Variants in MAST4 observed in about 807,000 individuals in gnomAD.
MAST4 encodes the protein microtubule associated serine/threonine kinase family member 4.
In MAST4, 89 loss-of-function variants were observed where a neutral mutation model predicts 162.7. That is an observed-to-expected ratio of 0.55 (90% confidence interval 0.46 to 0.65). The LOEUF (loss-of-function observed/expected upper bound fraction) is 0.65. MAST4 is among the 30% of genes least tolerant of loss of function. The pLI is 0.00. For synonymous variants in MAST4, 1,479 were observed against 1,361.1 expected, an observed-to-expected ratio of 1.09 and a Z score of -1.91; for missense variants, 3,153 against 3,374.0, an observed-to-expected ratio of 0.93 and a Z score of 1.62.
chr5:67,132,973 A>G (rs1769176128), intron 16 of MAST4, among the ~76,000 whole-genome samples: 1 of 152,116 alleles, frequency 6.6e-6, no homozygotes, highest in Non-Finnish European at 1.5e-5. Context: ...TTATTTTCCC[A>G]CTTAAAATGA....
chr5:67,163,076 C>A lies in MAST4; in HGVS notation c.3968-71C>A. 6.7e-7 allele frequency: 1 copy of A among 1,488,668 alleles called. No individual in the cohort carries two copies. The allele number at this position is 1,488,668 out of a possible 1,614,324, so 92.2% of individuals were successfully genotyped here. A position where few individuals can be genotyped will look rare whatever the true frequency, so the allele number is the denominator to read the frequency against. On this transcript the variant is annotated intron_variant, in intron 28 of 28. Transcript: ENST00000403625. The surrounding 1 kb of genome is among the most constrained non-coding windows in gnomAD (Gnocchi z 7.0). Reference sequence around the variant, plus strand: ...CTTACCTGGCCTTACCTAATACAGTCTGGGCTACAACTGTGAAAAAAAGGG... The same window carrying A: ...CTTACCTGGCCTTACCTAATACAGTATGGGCTACAACTGTGAAAAAAAGGG...
chr5:66,755,832 A>G (rs1227002756), intron 1 of MAST4, among the ~76,000 whole-genome samples: 1 of 152,184 alleles, frequency 6.6e-6, no homozygotes, highest in African/African-American at 2.4e-5. Flanking sequence ...TTGCTATTAA[A>G]TGTTAACTAT....
intron 4 of MAST4, among the ~76,000 whole-genome samples, chr5:67,044,977 T>C (rs1757192499): frequency 6.6e-6 from 1 of 152,226 alleles, no homozygotes; most frequent in South Asian, 2.1e-4. Context: ...GCTCTTTGTG[T>C]TTTCTTAGCT....
At chr5:66,750,266 C>A (rs1753051459) in intron 1 of MAST4, among the ~76,000 whole-genome samples, 2 of 152,136 alleles carry the variant, frequency 1.3e-5, no homozygotes, top group South Asian at 4.1e-4. Context: ...CTGGATGAGT[C>A]TTTAAAATGC....
intron 2 of MAST4, among the ~76,000 whole-genome samples, chr5:66,779,887 T>C (rs764740537): frequency 2.0e-5 from 3 of 152,190 alleles, no homozygotes; most frequent in Non-Finnish European, 4.4e-5. Flanking sequence ...TCATTTCCCC[T>C]AACTTATAAA....
chr5:66,847,782 C>G (rs777128763), intron 3 of MAST4, among the ~76,000 whole-genome samples: 21 of 136,844 alleles, frequency 1.5e-4, no homozygotes, highest in African/African-American at 5.3e-4. Flanking sequence ...GATTGTGCCA[C>G]TACTCTCCAG....
chr5:66,634,653 A>G (rs894454996), intron 1 of MAST4, among the ~76,000 whole-genome samples: 2 of 152,200 alleles, frequency 1.3e-5, no homozygotes, highest in Non-Finnish European at 2.9e-5. Context: ...GCAAATAATC[A>G]TAATAGGCAC....
chr5:67,040,399 A>T (rs1756591903), intron 4 of MAST4, among the ~76,000 whole-genome samples: 2 of 152,162 alleles, frequency 1.3e-5, no homozygotes, highest in African/African-American at 4.8e-5. Context: ...CATATGTTGG[A>T]TCATCTACCT....
intron 4 of MAST4, among the ~76,000 whole-genome samples, chr5:67,045,176 A>G (rs186941395): frequency 2.6e-5 from 4 of 152,216 alleles, no homozygotes; most frequent in East Asian, 3.9e-4. Context: ...TCTTTTTTCT[A>G]TGTTCTTCTG....
intron 1 of MAST4, among the ~76,000 whole-genome samples, chr5:66,643,565 C>T (rs1225253575): frequency 1.3e-5 from 2 of 152,128 alleles, no homozygotes; most frequent in African/African-American, 2.4e-5. Context: ...ACAGATACCC[C>T]ATATTGCATC....
intron 4 of MAST4, among the ~76,000 whole-genome samples, chr5:66,939,519 G>A (rs1580945981): frequency 1.3e-5 from 2 of 151,972 alleles, no homozygotes; most frequent in East Asian, 3.9e-4. Flanking sequence ...TATTTTGCTA[G>A]TTAGTTATTC....
At chr5:66,811,672 G>A (rs1384284949) in intron 3 of MAST4, among the ~76,000 whole-genome samples, 2 of 152,108 alleles carry the variant, frequency 1.3e-5, no homozygotes, top group African/African-American at 2.4e-5. Context: ...GTCTAATCTG[G>A]TGAACATCTT....
chr5:66,596,856 G>A lies in MAST4; in HGVS notation c.201G>A (p.Pro67=). The part of the protein sequence containing the change: ...FSREHQPPPP[P]PLGGTLGARA... ...GAGAGCATCAGCCGCCGCCGCCGCC[G>A]CCGTTGGGAGGCACCCTGGGCGCCC... The change falls in exon 1 of 29, where the codon CCG becomes CCA. Residue 67 remains proline (P), a synonymous_variant. Coordinates refer to ENST00000403625, the MANE Select transcript of MAST4 (RefSeq NM_001164664.2). The A allele has an allele frequency of 2.3e-6, 3 of 1,295,732 alleles. No individual in the cohort carries two copies. The highest frequency in any genetic ancestry group is 2.9e-6 in the Non-Finnish European group (3 of 1,022,908). The allele number at this position is 1,295,732 out of a possible 1,614,324, so 80.3% of individuals were successfully genotyped here. A position where few individuals can be genotyped will look rare whatever the true frequency, so the allele number is the denominator to read the frequency against.
At chr5:66,833,960 G>T (rs182573809) in intron 3 of MAST4, among the ~76,000 whole-genome samples, 8 of 152,124 alleles carry the variant, frequency 5.3e-5, no homozygotes, top group Non-Finnish European at 8.8e-5. Flanking sequence ...CTGTAAAATG[G>T]AGATAACTAA....
intron 26 of MAST4, among the ~76,000 whole-genome samples, chr5:67,158,920 G>T (rs1772866075): frequency 6.6e-6 from 1 of 152,186 alleles, no homozygotes; most frequent in Non-Finnish European, 1.5e-5. Context: ...TGTAATCCCA[G>T]CTACCTGGGA....
At chr5:66,682,412 G>A (rs2149486113) in intron 1 of MAST4, among the ~76,000 whole-genome samples, 1 of 152,352 alleles carries the variant, frequency 6.6e-6, no homozygotes, top group East Asian at 1.9e-4. Context: ...TGCTGTGTCA[G>A]TGCTGCTAAC....
At chr5:66,957,334 T>G (rs952965942) in intron 4 of MAST4, among the ~76,000 whole-genome samples, 2 of 152,186 alleles carry the variant, frequency 1.3e-5, no homozygotes, top group African/African-American at 2.4e-5. Context: ...TTTTTTGTGT[T>G]CCATTATATC....
intron 3 of MAST4, among the ~76,000 whole-genome samples, chr5:66,857,610 C>T (rs147411295): frequency 2.5e-4 from 38 of 152,194 alleles, no homozygotes; most frequent in African/African-American, 8.7e-4. Flanking sequence ...TGTTGTTTTA[C>T]TTTAGTTTTT....
Position 67,025,742 on chromosome 5 carries a change from G to C in MAST4, c.675-28662G>C, listed in dbSNP as rs138530749. On this transcript the variant is annotated intron_variant, in intron 4 of 28. Coordinates refer to ENST00000403625, the MANE Select transcript of MAST4 (RefSeq NM_001164664.2). Reference sequence around the variant, plus strand: ...GTTATGTTTAGCTAGCATGTAGCTAGGAAAGCCCGGAGTATATTAAAACAA... The same window carrying C: ...GTTATGTTTAGCTAGCATGTAGCTACGAAAGCCCGGAGTATATTAAAACAA... Among the ~76,000 whole-genome samples the C allele has an allele frequency of 7.4e-4, 113 of 152,332 alleles. No homozygotes were observed. The East Asian group carries it at 8.5e-3, about 11-fold the overall frequency.
Sources: gnomAD v4.1 joint callset for allele counts (sites outside exome capture counted in the v4.1 genomes callset) on GRCh38, gnomAD v4.1.1 for gene constraint, Gnocchi (gnomAD v3.1) non-coding constraint, MANE v1.5 for transcripts, NCBI Gene and HGNC (gene_info 2026-07-23, HGNC 2026-07-21) for gene names.